The following GSTCD variants were observed in gnomAD, a reference collection of about 807,000 sequenced individuals.
GSTCD encodes glutathione S-transferase C-terminal domain containing.
Under a neutral mutation model 68.3 loss-of-function variants are expected in GSTCD, and 44 were observed. That is an observed-to-expected ratio of 0.64 (90% confidence interval 0.51 to 0.83). The LOEUF (loss-of-function observed/expected upper bound fraction) is 0.83. Ranked by LOEUF, GSTCD falls within the 40% of genes least tolerant of loss-of-function variation. The pLI is 0.00. For synonymous variants in GSTCD, 273 were observed against 255.2 expected (o/e 1.07, Z -0.67); for missense variants, 739 against 735.9 (o/e 1.00, Z -0.05).
intron 5 of GSTCD, among the ~76,000 whole-genome samples, chr4:105,763,768 C>A (rs1469962717): frequency 6.6e-6 from 1 of 152,094 alleles, no homozygotes; most frequent in East Asian, 1.9e-4. Context: ...AATTTGTACT[C>A]TTTTGAGTTT....
intron 5 of GSTCD, chr4:105,761,843 G>A (rs1734423525): frequency 6.6e-6 from 1 of 152,144 alleles, no homozygotes; most frequent in African/African-American, 2.4e-5. Context: ...TGTCTGTGTA[G>A]CTTGTCATCC....
chr4:105,715,927 T>G (rs1732667547), intron 1 of GSTCD, among the ~76,000 whole-genome samples: 1 of 152,128 alleles, frequency 6.6e-6, no homozygotes, highest in African/African-American at 2.4e-5. Context: ...ATTAGGAATT[T>G]TTGACCCGGG....
chr4:105,724,087 G>T (rs1732954083), intron 3 of GSTCD, among the ~76,000 whole-genome samples: 1 of 151,690 alleles, frequency 6.6e-6, no homozygotes, highest in Non-Finnish European at 1.5e-5. Context: ...CTCATGCTCT[G>T]ATATTATTGT....
intron 5 of GSTCD, among the ~76,000 whole-genome samples, chr4:105,805,086 T>C (rs949054565): frequency 3.9e-5 from 6 of 152,080 alleles, no homozygotes; most frequent in African/African-American, 1.4e-4. Context: ...AATTCAATAA[T>C]TGAAAAGGGA....
Position 105,761,814 on chromosome 4 carries a change from A to C in GSTCD, c.1240+32315A>C, listed in dbSNP as rs924379224. The C allele has an allele frequency of 4.6e-5, 7 of 152,244 alleles. No individual in the cohort carries two copies. The East Asian group carries it at 1.3e-3, about 29-fold the overall frequency. 9.4% of individuals were successfully genotyped at this position (152,244 alleles called of 1,614,324 possible). A position where few individuals can be genotyped will look rare whatever the true frequency, so the allele number is the denominator to read the frequency against. ...GGCTCATTAACCTTTCTGTGCCTTA[A>C]ATCGAAGCCACATTTTTGTGTCTGT... On this transcript the variant is annotated intron_variant, in intron 5 of 11. Transcript: ENST00000515279.
At chr4:105,786,651 CAAAT>C (rs932919212) in intron 5 of GSTCD, among the ~76,000 whole-genome samples, 35 of 150,796 alleles carry the variant, frequency 2.3e-4, no homozygotes, top group Non-Finnish European at 4.9e-4. Flanking sequence ...TAACAAAAGA[CAAAT>C]AACCCAATTT....
chr4:105,816,345 C>A (rs765904523), intron 5 of GSTCD, among the ~76,000 whole-genome samples: 1 of 152,062 alleles, frequency 6.6e-6, no homozygotes, highest in African/African-American at 2.4e-5. Context: ...ATTGCTCAAC[C>A]TCTCCATGTC....
At chr4:105,799,411 A>C (rs1328380615) in intron 5 of GSTCD, among the ~76,000 whole-genome samples, 1 of 152,160 alleles carries the variant, frequency 6.6e-6, no homozygotes, top group East Asian at 1.9e-4. Context: ...ACTAACCTTA[A>C]TAGTTCTAGC....
chr4:105,824,582 C>G (rs1325934846), intron 7 of GSTCD, among the ~76,000 whole-genome samples: 1 of 152,120 alleles, frequency 6.6e-6, no homozygotes, highest in Non-Finnish European at 1.5e-5. Context: ...TGACTTAATT[C>G]TTTTCATTTT....
chr4:105,836,610 C>T (rs909198908), intron 9 of GSTCD, among the ~76,000 whole-genome samples: 2 of 151,980 alleles, frequency 1.3e-5, no homozygotes, highest in Non-Finnish European at 2.9e-5. Context: ...CGTCAGTGCC[C>T]AAAGTCCAGA....
At chr4:105,768,019 G>T (rs569745354) in intron 5 of GSTCD, among the ~76,000 whole-genome samples, 32 of 150,972 alleles carry the variant, frequency 2.1e-4, no homozygotes, top group African/African-American at 7.8e-4. Context: ...ATTTTGAGAA[G>T]AAATAGTGTA....
intron 4 of GSTCD, among the ~76,000 whole-genome samples, chr4:105,728,885 T>C (rs1317964951): frequency 6.6e-6 from 1 of 152,136 alleles, no homozygotes; most frequent in Non-Finnish European, 1.5e-5. Context: ...TTGGGAACCA[T>C]TTGGTTACAC....
At position 105,845,485 on chromosome 4, in the gene GSTCD, G is replaced by C; in HGVS notation, c.1810G>C (p.Ala604Pro). ...CLVDLDRARA[A>P]EECGYSVQVI... ...GGTGGATCTGGATCGAGCAAGAGCT[G>C]CAGAAGAATGTGGATACTCCGTTCA... The change falls in exon 12 of 12, where the codon GCA becomes CCA. Residue 604 changes from alanine (A) to proline (P), a missense_variant. By Grantham distance (27) the Ala-to-Pro change is conservative (BLOSUM62 -1). Transcript: ENST00000515279. 1 of 1,614,164 alleles carries C rather than the reference G, an allele frequency of 6.2e-7. No homozygotes were observed. The highest frequency in any genetic ancestry group is 8.5e-7 in the Non-Finnish European group (1 of 1,180,020).
intron 5 of GSTCD, among the ~76,000 whole-genome samples, chr4:105,734,146 A>T (rs1733364694): frequency 1.3e-5 from 2 of 152,140 alleles, no homozygotes; most frequent in Non-Finnish European, 2.9e-5. Flanking sequence ...AACTTTGGTG[A>T]ATCTGACAAT....
intron 5 of GSTCD, among the ~76,000 whole-genome samples, chr4:105,782,676 G>A (rs1468333011): frequency 6.6e-6 from 1 of 151,886 alleles, no homozygotes; most frequent in Non-Finnish European, 1.5e-5. Flanking sequence ...ACCTCCTCCT[G>A]GGTTCAAACG....
chr4:105,773,313 G>A (rs1734928228), intron 5 of GSTCD, among the ~76,000 whole-genome samples: 1 of 151,976 alleles, frequency 6.6e-6, no homozygotes, highest in Non-Finnish European at 1.5e-5. Flanking sequence ...TCCAGCTCCT[G>A]GATTCATTGA....
intron 5 of GSTCD, among the ~76,000 whole-genome samples, chr4:105,732,947 A>G (rs1733306818): frequency 6.6e-6 from 1 of 152,144 alleles, no homozygotes; most frequent in African/African-American, 2.4e-5. Context: ...TTCGTTATGT[A>G]CCCAGTAGTC....
intron 5 of GSTCD, among the ~76,000 whole-genome samples, chr4:105,789,691 T>G (rs1735591544): frequency 6.6e-6 from 1 of 151,946 alleles, no homozygotes; most frequent in Non-Finnish European, 1.5e-5. Flanking sequence ...CCCTTTACTA[T>G]ATTCTGCTCA....
chr4:105,804,808 C>T (rs1722412986), intron 5 of GSTCD, among the ~76,000 whole-genome samples: 1 of 152,056 alleles, frequency 6.6e-6, no homozygotes, highest in African/African-American at 2.4e-5. Flanking sequence ...TCCCTTCCAA[C>T]AGGCCCCCTG....
Sources: gnomAD v4.1 joint callset for allele counts (sites outside exome capture counted in the v4.1 genomes callset) on GRCh38, gnomAD v4.1.1 for gene constraint, MANE v1.5 for transcripts, NCBI Gene and HGNC (gene_info 2026-07-23, HGNC 2026-07-21) for gene names.